The following ALDH8A1 variants were observed in gnomAD, a reference collection of about 807,000 sequenced individuals.
ALDH8A1 encodes 2-aminomuconic semialdehyde dehydrogenase.
A neutral mutation model predicts 43.3 loss-of-function variants in ALDH8A1; 39 were observed. The ratio of observed to expected loss-of-function variants is 0.90; its 90% CI spans 0.70 to 1.18. The LOEUF is 1.18. Ranked by LOEUF, ALDH8A1 falls within the 50% of genes most tolerant of loss-of-function variation. The probability of loss-of-function intolerance (pLI) is 0.00; values close to 1 mark genes in which losing one functional copy is unlikely to be tolerated. For missense variants in ALDH8A1, 605 were observed against 622.6 expected (o/e 0.97, Z 0.30); for synonymous variants, 233 against 243.5 (o/e 0.96, Z 0.40).
At chr6:134,932,169 A>G (rs1319952540) in intron 5 of ALDH8A1, among the ~76,000 whole-genome samples, 3 of 152,204 alleles carry the variant, frequency 2.0e-5, no homozygotes, top group Non-Finnish European at 4.4e-5. Context: ...CCTACTGTTT[A>G]GTTGATCTGG....
At chr6:134,932,685 A>C in intron 5 of ALDH8A1, 91 bp downstream of exon 5, 4 of 1,525,954 alleles carry the variant, frequency 2.6e-6, no homozygotes, top group Non-Finnish European at 3.5e-6. Flanking sequence ...CACTGGATTG[A>C]CTGGCTTGCT....
At chr6:134,934,593 C>G (rs971310038) in intron 4 of ALDH8A1, among the ~76,000 whole-genome samples, 2 of 152,110 alleles carry the variant, frequency 1.3e-5, no homozygotes, top group Admixed American at 6.5e-5. Context: ...CATGCTAAGG[C>G]TGCCATTTTT....
Position 134,943,800 on chromosome 6 carries a change from G to C in ALDH8A1, c.286+19C>G. Reference sequence around the variant, plus strand: ...GAGATGCCCTGAGTCCCATGTTACAGTTAAGAGGCAACTCTCACCTTGGTC... The same window carrying C: ...GAGATGCCCTGAGTCCCATGTTACACTTAAGAGGCAACTCTCACCTTGGTC... On this transcript the variant is annotated intron_variant, in intron 2 of 6. Transcript: ENST00000265605. 6.2e-7 allele frequency: 1 copy of C among 1,612,904 alleles called. No individual in the cohort carries two copies.
chr6:134,948,663 T>C lies in ALDH8A1; in HGVS notation c.138+1253A>G, dbSNP rs555549503. Among the ~76,000 whole-genome samples the C allele has an allele frequency of 4.6e-5, 7 of 152,334 alleles. No individual in the cohort carries two copies. The South Asian group carries it at 1.4e-3, about 32-fold the overall frequency. ...GGACATGCAGTTTGTATGGTAACCA[T>C]ATTTTTCAAGCCGGAAAAAACTATG... is the stretch of plus-strand genomic sequence containing the variant. On this transcript the variant is annotated intron_variant, in intron 1 of 6. Transcript: ENST00000265605.
intron 6 of ALDH8A1, among the ~76,000 whole-genome samples, chr6:134,927,158 G>A (rs1447549692): frequency 6.6e-6 from 1 of 152,148 alleles, no homozygotes; most frequent in East Asian, 1.9e-4. Context: ...AGGGCATGTT[G>A]CCTATGTAGT....
At chr6:134,933,130 A>T (rs879455193) in intron 4 of ALDH8A1, 98 bp from the exon 5 acceptor site, 1 of 1,357,892 alleles carries the variant, frequency 7.4e-7, no homozygotes, top group African/African-American at 1.5e-5. Context: ...CTTGAATGGG[A>T]GTGGGTAGGG....
rs1427949514 is a variant in ALDH8A1 at position 134,918,195 on chromosome 6, A to G, written c.*220T>C. 5 of 555,092 alleles carry G rather than the reference A, an allele frequency of 9.0e-6. No homozygotes were observed. The highest frequency in any genetic ancestry group is 5.6e-5 in the African/African-American group (3 of 53,296). The allele number at this position is 555,092 out of a possible 1,614,324, so 34.4% of individuals were successfully genotyped here. On this transcript the variant is annotated 3_prime_UTR_variant, in exon 7 of 7. Transcript: ENST00000265605. ...GCCTGACAACTGGCATCATTGTTCT[A>G]TCTTCCTACTTATAAGTCTTTTTTT... is the stretch of plus-strand genomic sequence containing the variant.
chr6:134,933,290 G>A (rs1017248836), intron 4 of ALDH8A1, among the ~76,000 whole-genome samples: 5 of 152,162 alleles, frequency 3.3e-5, no homozygotes, highest in African/African-American at 1.2e-4. Flanking sequence ...GATGCAGGGT[G>A]GAACATATTT....
chr6:134,934,324 G>C (rs1463170153), intron 4 of ALDH8A1, among the ~76,000 whole-genome samples: 2 of 152,140 alleles, frequency 1.3e-5, no homozygotes, highest in African/African-American at 4.8e-5. Flanking sequence ...AGTGTAAGCA[G>C]AAACCAGCTC....
At chr6:134,946,271 G>A (rs191711741) in intron 1 of ALDH8A1, among the ~76,000 whole-genome samples, 1 of 152,268 alleles carries the variant, frequency 6.6e-6, no homozygotes, top group Non-Finnish European at 1.5e-5. Flanking sequence ...CTGCAGACAG[G>A]ATAGGGGAAG....
At chr6:134,928,224 A>AT (rs1270256960) in intron 6 of ALDH8A1, among the ~76,000 whole-genome samples, 1 of 152,062 alleles carries the variant, frequency 6.6e-6, no homozygotes, top group Non-Finnish European at 1.5e-5. Context: ...CCTGACACCT[A>AT]TTTCACTGAG....
At chr6:134,947,932 T>G (rs1425511509) in intron 1 of ALDH8A1, among the ~76,000 whole-genome samples, 1 of 152,060 alleles carries the variant, frequency 6.6e-6, no homozygotes, top group African/African-American at 2.4e-5. Flanking sequence ...ATCAGTATAC[T>G]GAAGAGATAC....
chr6:134,927,716 A>AAC (rs1300346998), intron 6 of ALDH8A1, among the ~76,000 whole-genome samples: 2 of 152,214 alleles, frequency 1.3e-5, no homozygotes, highest in Non-Finnish European at 2.9e-5. Flanking sequence ...TTGCACAGGG[A>AAC]ACCTCACACT....
rs772872324 is a variant in ALDH8A1 at position 134,918,568 on chromosome 6, C to T, written c.1311G>A (p.Lys437=). The change falls in exon 7 of 7, where the codon AAG becomes AAA. Residue 437 remains lysine, a synonymous_variant. Coordinates refer to ENST00000265605, the MANE Select transcript of ALDH8A1 (RefSeq NM_022568.4). The part of the protein sequence containing the change: ...NVGRVHRVAK[K]LQSGLVWTNC... ...TGGTCCAGACCAAGCCAGACTGCAGCTTCTTAGCCACCCGGTGGACGCGCC... is the reference window on the plus strand; with the variant it reads ...TGGTCCAGACCAAGCCAGACTGCAGTTTCTTAGCCACCCGGTGGACGCGCC... 25 of 1,614,218 alleles carry T rather than the reference C, an allele frequency of 1.5e-5. No individual in the cohort carries two copies. The highest frequency in any genetic ancestry group is 2.1e-5 in the Non-Finnish European group (25 of 1,180,040).
intron 6 of ALDH8A1, among the ~76,000 whole-genome samples, chr6:134,919,975 C>T (rs977269620): frequency 6.6e-6 from 1 of 152,202 alleles, no homozygotes; most frequent in Non-Finnish European, 1.5e-5. Flanking sequence ...GTGGCACCAC[C>T]ATGGCTTGCT....
Position 134,943,900 on chromosome 6 carries a change from G to C in ALDH8A1, c.205C>G (p.Arg69Gly), listed in dbSNP as rs188218462. The change falls in exon 2 of 7, where the codon CGC (arginine) becomes GGC (glycine). Residue 69 changes from arginine to glycine, a missense_variant. Transcript: ENST00000265605. The stretch of plus-strand genomic sequence containing the variant: ...GCCACCTGGTTCAGGACCCGTGAGC[G>C]CTCCTGGGGGCTGCGGGATGACCAG... ...PSWSSRSPQERSRVLNQVADL... is the reference protein window; with the variant it reads ...PSWSSRSPQEGSRVLNQVADL... 1.2e-6 allele frequency: 2 copies of C among 1,614,082 alleles called. No homozygotes were observed. The highest frequency in any genetic ancestry group is 2.7e-5 in the African/African-American group (2 of 74,932).
chr6:134,919,997 G>A (rs1464409589), intron 6 of ALDH8A1, among the ~76,000 whole-genome samples: 1 of 152,172 alleles, frequency 6.6e-6, no homozygotes, highest in Non-Finnish European at 1.5e-5. Context: ...CAGCCTTGAA[G>A]ACTCCTGGAC....
At chr6:134,940,249 A>G (rs1423688667) in intron 3 of ALDH8A1, 3 of 341,960 alleles carry the variant, frequency 8.8e-6, no homozygotes, top group South Asian at 2.3e-5. Flanking sequence ...AAATAAAAAA[A>G]CAGTTGTCAC....
In ALDH8A1 at chr6:134,935,506, T is replaced by C. The variant is rs533189820; in HGVS notation, c.593-2474A>G. Among the ~76,000 whole-genome samples the C allele has an allele frequency of 1.8e-4, 27 of 152,336 alleles. No individual in the cohort carries two copies. The East Asian group carries it at 4.0e-3, about 23-fold the overall frequency. ...GAAGCTTTAAAAAGAAAATCATCTT[T>C]ATAATATCCAAAAAGAAAGTCATCT... On this transcript the variant is annotated intron_variant, in intron 4 of 6. Coordinates refer to ENST00000265605, the MANE Select transcript of ALDH8A1 (RefSeq NM_022568.4).
Sources: gnomAD v4.1 joint callset for allele counts (sites outside exome capture counted in the v4.1 genomes callset) on GRCh38, gnomAD v4.1.1 for gene constraint, MANE v1.5 for transcripts, NCBI Gene and HGNC (gene_info 2026-07-23, HGNC 2026-07-21) for gene names.